ANKLE2: variants seen among roughly 807,000 people sequenced by gnomAD.
ANKLE2 encodes ankyrin repeat and LEM domain-containing protein 2.
A neutral mutation model predicts 84.2 loss-of-function variants in ANKLE2; 55 were observed. The observed-to-expected ratio is 0.65, with a 90% CI of 0.53 to 0.82. ANKLE2 has a LOEUF of 0.82. ANKLE2 is among the 40% of genes least tolerant of loss of function. ANKLE2 has a pLI of 0.00. For synonymous variants in ANKLE2, 551 were observed against 486.1 expected (o/e 1.13, Z -1.76); for missense variants, 1,238 against 1,201.9 (o/e 1.03, Z -0.44).
intron 2 of ANKLE2, 80 bp from the exon 3 acceptor site, chr12:132,750,929 A>G (rs1187384243): frequency 1.6e-6 from 2 of 1,274,224 alleles, no homozygotes; most frequent in African/African-American, 3.0e-5. Context: ...GGGCCTAACC[A>G]TCAGCTTCCA....
chr12:132,733,331 C>T (rs557370748), intron 10 of ANKLE2, among the ~76,000 whole-genome samples: 23 of 147,614 alleles, frequency 1.6e-4, no homozygotes, highest in Admixed American at 6.8e-5. Context: ...AAGCTCTCTG[C>T]GTCCTGGTGT....
At chr12:132,753,454 A>C (rs1057222650) in intron 2 of ANKLE2, among the ~76,000 whole-genome samples, 2 of 151,924 alleles carry the variant, frequency 1.3e-5, no homozygotes, top group Non-Finnish European at 2.9e-5. Context: ...AACGTGGCGA[A>C]ACCCCGCCTC....
At position 132,750,639 on chromosome 12, in the gene ANKLE2, T is replaced by C; in HGVS notation, c.847+4A>G. ...ATCAAGATGTGAACGGCTGCATGAT[T>C]TACCTTTCAACCTGTCATTGCTAAA... On this transcript the variant is annotated splice_donor_region_variant and intron_variant, in intron 3 of 12. Coordinates refer to ENST00000357997, the MANE Select transcript of ANKLE2 (RefSeq NM_015114.3). The C allele has an allele frequency of 3.7e-6, 6 of 1,613,770 alleles. No individual in the cohort carries two copies. The South Asian group carries it at 6.6e-5, about 18-fold the overall frequency.
At chr12:132,738,530 T>G (rs2044059249) in intron 7 of ANKLE2, 1 of 151,544 alleles carries the variant, frequency 6.6e-6, no homozygotes, top group Non-Finnish European at 1.5e-5. Flanking sequence ...TTTCATAGTT[T>G]TTTTTTTTTT....
intron 5 of ANKLE2, 136 bp downstream of exon 5, chr12:132,747,696 G>A (rs1164387382): frequency 3.1e-5 from 35 of 1,117,084 alleles, no homozygotes; most frequent in African/African-American, 4.8e-5. Context: ...AAGAAGGCAG[G>A]TTGCAGGGGT....
chr12:132,735,525 A>G lies in ANKLE2; in HGVS notation c.1594-13T>C, dbSNP rs756596217. The stretch of plus-strand genomic sequence containing the variant: ...GAAAATCTTCTGCCTATGAAGAAAA[A>G]AAAATGTATTGAGCCGTGTCAGGCA... On this transcript the variant is annotated splice_polypyrimidine_tract_variant and intron_variant, in intron 8 of 12. Coordinates refer to ENST00000357997, the MANE Select transcript of ANKLE2 (RefSeq NM_015114.3). 6.2e-7 allele frequency: 1 copy of G among 1,608,952 alleles called. No homozygotes were observed. The highest frequency in any genetic ancestry group is 8.5e-7 in the Non-Finnish European group (1 of 1,177,672).
intron 2 of ANKLE2, among the ~76,000 whole-genome samples, chr12:132,752,929 G>A (rs1439914094): frequency 6.6e-6 from 1 of 151,762 alleles, no homozygotes; most frequent in Non-Finnish European, 1.5e-5. Context: ...AGGCTCAGGT[G>A]GGAGGACTGC....
intron 7 of ANKLE2, chr12:132,738,914 A>G (rs2044066965): frequency 6.6e-6 from 1 of 152,240 alleles, no homozygotes; most frequent in Admixed American, 6.5e-5. Flanking sequence ...AAAATGTGGT[A>G]CATATATACC....
chr12:132,761,590 G>C, intron 1 of ANKLE2, 28 bp downstream of exon 1: 3 of 1,216,740 alleles, frequency 2.5e-6, no homozygotes, highest in Non-Finnish European at 2.0e-6. Flanking sequence ...GCCAGGGTGC[G>C]GGGACCCAGC....
At position 132,754,740 on chromosome 12, in the gene ANKLE2, G is replaced by C. The variant is rs745348245; in HGVS notation, c.575C>G (p.Ala192Gly). The C allele has an allele frequency of 1.9e-6, 3 of 1,614,026 alleles. No individual in the cohort carries two copies. Among genetic ancestry groups the C allele is most frequent in the Admixed American group, 1.7e-5 (1 of 59,998 alleles). The change falls in exon 2 of 13, where the codon GCG (alanine) becomes GGG (glycine). Residue 192 changes from alanine to glycine, a missense_variant. By Grantham distance (60) the Ala-to-Gly change is moderately conservative. This residue lies in a region of ANKLE2 where 422 missense variants were observed against 394.5 expected (regional missense o/e 1.07). Coordinates refer to ENST00000357997, the MANE Select transcript of ANKLE2 (RefSeq NM_015114.3). ...DTDTYRAGATASKEPPLYYGV... is the reference protein window; with the variant it reads ...DTDTYRAGATGSKEPPLYYGV... Reference sequence around the variant, plus strand: ...ATAGTACAGGGGCGGCTCCTTAGACGCAGTCGCTCCAGCTCTGTAGGTGTC... The same window carrying C: ...ATAGTACAGGGGCGGCTCCTTAGACCCAGTCGCTCCAGCTCTGTAGGTGTC...
intron 3 of ANKLE2, among the ~76,000 whole-genome samples, chr12:132,749,812 C>A (rs935169998): frequency 1.3e-5 from 2 of 152,208 alleles, no homozygotes; most frequent in Non-Finnish European, 2.9e-5. Flanking sequence ...TACAGATAAG[C>A]CCGCCTTCTC....
At chr12:132,751,779 G>A (rs1274168758) in intron 2 of ANKLE2, among the ~76,000 whole-genome samples, 2 of 152,098 alleles carry the variant, frequency 1.3e-5, no homozygotes, top group East Asian at 1.9e-4. Context: ...CTGACCTTAG[G>A]TGACCTGCCC....
At chr12:132,752,612 G>C (rs967365495) in intron 2 of ANKLE2, among the ~76,000 whole-genome samples, 1 of 152,030 alleles carries the variant, frequency 6.6e-6, no homozygotes, top group Non-Finnish European at 1.5e-5. Context: ...CTCGTGATCT[G>C]CCTGCCTCGG....
chr12:132,729,660 G>A lies in ANKLE2; in HGVS notation c.2483+19C>T. On this transcript the variant is annotated intron_variant, in intron 11 of 12. Transcript: ENST00000357997. ...AAGGTGGGGAAGGAAAGTGAGTGCAGAGGGCAACACACTCCTACCCAAAAA... is the reference window on the plus strand; with the variant it reads ...AAGGTGGGGAAGGAAAGTGAGTGCAAAGGGCAACACACTCCTACCCAAAAA... The A allele has an allele frequency of 6.5e-7, 1 of 1,535,268 alleles. No homozygotes were observed. Among genetic ancestry groups the A allele is most frequent in the Non-Finnish European group, 8.9e-7 (1 of 1,124,826 alleles).
chr12:132,727,619 C>G (rs1310114047), intron 12 of ANKLE2, among the ~76,000 whole-genome samples, 176 bp from the exon 13 acceptor site: 19 of 150,926 alleles, frequency 1.3e-4, no homozygotes, highest in East Asian at 4.0e-4. Context: ...ACTGCTGAAC[C>G]CTGGCACCGC....
At chr12:132,751,963 A>C (rs1214072570) in intron 2 of ANKLE2, among the ~76,000 whole-genome samples, 6 of 152,236 alleles carry the variant, frequency 3.9e-5, no homozygotes. Flanking sequence ...ACTATCGTAA[A>C]TACATAAGAT....
intron 1 of ANKLE2, chr12:132,759,413 C>A (rs1472812788): frequency 6.7e-6 from 1 of 148,726 alleles, no homozygotes; most frequent in African/African-American, 2.6e-5. Flanking sequence ...GCAGGTTTAA[C>A]TTCCTAAAAA....
intron 2 of ANKLE2, among the ~76,000 whole-genome samples, chr12:132,752,700 C>T (rs1280353549): frequency 1.3e-5 from 2 of 152,044 alleles, no homozygotes; most frequent in Non-Finnish European, 2.9e-5. Context: ...TCTTACAGAA[C>T]AATATTCCAT....
chr12:132,745,976 G>A (rs1257835209), intron 5 of ANKLE2, among the ~76,000 whole-genome samples: 1 of 152,230 alleles, frequency 6.6e-6, no homozygotes, highest in East Asian at 1.9e-4. Context: ...AGATAACTGT[G>A]CTGTCCTTCC....
Sources: allele counts gnomAD v4.1 joint callset (sites outside exome capture counted in the v4.1 genomes callset), GRCh38; gene constraint gnomAD v4.1.1; regional missense constraint gnomAD v4.1.1; transcripts MANE v1.5; gene names NCBI Gene and HGNC (gene_info 2026-07-23, HGNC 2026-07-21).